The following TNS3 variants were observed in gnomAD, a reference collection of about 807,000 sequenced individuals.
TNS3 encodes tensin-3.
A neutral mutation model predicts 140.9 loss-of-function variants in TNS3; 45 were observed. The observed-to-expected ratio is 0.32, with a 90% confidence interval of 0.25 to 0.41. The LOEUF (loss-of-function observed/expected upper bound fraction) is 0.41, where lower values mean the gene tolerates loss of function less well. Among genes scored for constraint, TNS3 ranks in the 10% least tolerant of loss-of-function variants. The pLI is 1.00. For synonymous variants in TNS3, 815 were observed against 788.4 expected (o/e 1.03, Z -0.56); for missense variants, 1,716 against 1,906.7 (o/e 0.90, Z 1.86).
At chr7:47,481,682 G>A (rs1797425174) in intron 3 of TNS3, 1 of 985,296 alleles carries the variant, frequency 1.0e-6, no homozygotes, top group Non-Finnish European at 1.2e-6. Context: ...CAAGAGACGG[G>A]GAGAGGAGAC....
intron 2 of TNS3, among the ~76,000 whole-genome samples, chr7:47,524,076 G>C (rs1799089022): frequency 6.6e-6 from 1 of 152,210 alleles, no homozygotes; most frequent in South Asian, 2.1e-4. Flanking sequence ...CAACTCTTTG[G>C]GGAGAAGCTG....
At chr7:47,315,130 A>C (rs1787322011) in intron 20 of TNS3, among the ~76,000 whole-genome samples, 1 of 152,174 alleles carries the variant, frequency 6.6e-6, no homozygotes, top group African/African-American at 2.4e-5. Flanking sequence ...CCCTGAACAG[A>C]CGCTCCTTTT....
At chr7:47,412,688 A>AG in intron 12 of TNS3, among the ~76,000 whole-genome samples, 1 of 152,252 alleles carries the variant, frequency 6.6e-6, no homozygotes, top group Non-Finnish European at 1.5e-5. Flanking sequence ...GACTCTCTCC[A>AG]GTAGGCTCAC....
chr7:47,350,343 A>C (rs1296949877), intron 17 of TNS3, among the ~76,000 whole-genome samples: 2 of 152,202 alleles, frequency 1.3e-5, no homozygotes, highest in Non-Finnish European at 2.9e-5. Flanking sequence ...CAGATTTAAC[A>C]ATGGTTTATT....
At chr7:47,330,156 C>A (rs1788254656) in intron 20 of TNS3, among the ~76,000 whole-genome samples, 1 of 152,284 alleles carries the variant, frequency 6.6e-6, no homozygotes, top group Middle Eastern at 3.4e-3. Flanking sequence ...CCGGGGACGA[C>A]AGGACCTGGA....
chr7:47,559,520 C>A (rs1800279744), intron 1 of TNS3, among the ~76,000 whole-genome samples: 2 of 152,084 alleles, frequency 1.3e-5, no homozygotes, highest in South Asian at 4.1e-4. Context: ...GGTGCCTCAG[C>A]CTCGTCACAT....
chr7:47,344,341 C>T (rs965679289), intron 20 of TNS3, among the ~76,000 whole-genome samples: 1 of 152,180 alleles, frequency 6.6e-6, no homozygotes, highest in African/African-American at 2.4e-5. Context: ...TAATAACAGA[C>T]AGGAGGGGCC....
intron 3 of TNS3, among the ~76,000 whole-genome samples, chr7:47,493,044 C>T (rs1290997570): frequency 6.6e-6 from 1 of 152,236 alleles, no homozygotes; most frequent in Non-Finnish European, 1.5e-5. Context: ...CTCTTCATAT[C>T]AAGCCCTGGC....
intron 3 of TNS3, among the ~76,000 whole-genome samples, chr7:47,495,700 C>G (rs1322117460): frequency 6.6e-6 from 1 of 152,140 alleles, no homozygotes; most frequent in Non-Finnish European, 1.5e-5. Context: ...CAGAAAGTCC[C>G]GGAGATAAGC....
chr7:47,388,958 AAGAAGC>A (rs1430701014), intron 16 of TNS3, among the ~76,000 whole-genome samples: 1 of 143,662 alleles, frequency 7.0e-6, no homozygotes, highest in African/African-American at 2.5e-5. Flanking sequence ...GCAGAAACAG[AAGAAGC>A]AGAAGCAGAA....
chr7:47,495,517 T>G (rs577048204), intron 3 of TNS3, among the ~76,000 whole-genome samples: 61 of 152,230 alleles, frequency 4.0e-4, no homozygotes, highest in African/African-American at 1.4e-3. Context: ...CTGACAGGGA[T>G]GGTTATGTCC....
chr7:47,474,917 TCACA>T (rs1257112413), intron 4 of TNS3, among the ~76,000 whole-genome samples: 1 of 127,538 alleles, frequency 7.8e-6, no homozygotes, highest in South Asian at 2.6e-4. Context: ...AAAAAACACC[TCACA>T]CACACAGGTA....
At chr7:47,579,640 G>A (rs184703355) in intron 1 of TNS3, 3 of 157,410 alleles carry the variant, frequency 1.9e-5, no homozygotes, top group East Asian at 1.9e-4. Flanking sequence ...CCTGAACAGG[G>A]GTGGTTTACA....
intron 17 of TNS3, among the ~76,000 whole-genome samples, chr7:47,361,922 A>C (rs1790359499): frequency 6.6e-6 from 1 of 152,222 alleles, no homozygotes; most frequent in Non-Finnish European, 1.5e-5. Flanking sequence ...GGTATGAAAA[A>C]AAACCACAGA....
chr7:47,509,507 GA>G (rs1441583470), intron 2 of TNS3, among the ~76,000 whole-genome samples: 2 of 152,154 alleles, frequency 1.3e-5, no homozygotes, highest in African/African-American at 4.8e-5. Context: ...ACCTCTCGGG[GA>G]GGAACTGTAA....
chr7:47,400,656 C>T (rs1793102337), intron 14 of TNS3, 129 bp downstream of exon 14: 1 of 1,476,946 alleles, frequency 6.8e-7, no homozygotes, highest in Admixed American at 2.1e-5. Context: ...TCATTTTCTC[C>T]TACTTTGGGA....
At chr7:47,330,905 T>C (rs1788302250) in intron 20 of TNS3, among the ~76,000 whole-genome samples, 1 of 152,132 alleles carries the variant, frequency 6.6e-6, no homozygotes, top group South Asian at 2.1e-4. Flanking sequence ...TCCACCAGCC[T>C]CACGGGTCCT....
chr7:47,487,087 T>A lies in TNS3; in HGVS notation c.-114-5946A>T, dbSNP rs551190732. 9.2e-5 allele frequency among the ~76,000 whole-genome samples: 14 copies of A among 152,160 alleles called. No individual in the cohort carries two copies. In the South Asian group the frequency reaches 1.5e-3, roughly 16 times the overall value. On this transcript the variant is annotated intron_variant, in intron 3 of 30. Transcript: ENST00000311160. ...GCCCAGATGGGCGGATCACCTGAGG[T>A]CAGGAGCTCGAGACCAACCTGGTCA...
intron 16 of TNS3, among the ~76,000 whole-genome samples, chr7:47,376,278 G>A (rs1791380203): frequency 6.6e-6 from 1 of 152,230 alleles, no homozygotes; most frequent in Admixed American, 6.5e-5. Context: ...AGAGGCAAGG[G>A]AAAGACGGAG....
Sources: allele counts gnomAD v4.1 joint callset (sites outside exome capture counted in the v4.1 genomes callset), GRCh38; gene constraint gnomAD v4.1.1; transcripts MANE v1.5; gene names NCBI Gene and HGNC (gene_info 2026-07-23, HGNC 2026-07-21).